DOK5: variants seen among roughly 807,000 people sequenced by gnomAD.
The protein encoded by DOK5 is downstream of tyrosine kinase 5.
In DOK5, 27 loss-of-function variants were observed where a neutral mutation model predicts 43.3. The observed-to-expected ratio is 0.62, with a 90% CI of 0.46 to 0.86. The LOEUF (loss-of-function observed/expected upper bound fraction) is 0.86. DOK5 is among the 40% of genes least tolerant of loss of function. The probability of loss-of-function intolerance (pLI) is 0.00; values close to 1 mark genes in which losing one functional copy is unlikely to be tolerated. For missense variants in DOK5, 373 were observed against 392.9 expected (o/e 0.95, Z 0.43); for synonymous variants, 146 against 140.1 (o/e 1.04, Z -0.30).
chr20:54,604,473 A>G (rs527955021), intron 5 of DOK5, among the ~76,000 whole-genome samples: 21 of 151,948 alleles, frequency 1.4e-4, no homozygotes, highest in African/African-American at 5.1e-4. Context: ...TCATGCAACC[A>G]TGATATTATT....
chr20:54,476,871 G>A (rs1981449673), intron 1 of DOK5, among the ~76,000 whole-genome samples: 1 of 152,104 alleles, frequency 6.6e-6, no homozygotes, highest in African/African-American at 2.4e-5. Flanking sequence ...CTCTCCTTGG[G>A]ACTGAATGAT....
At chr20:54,493,126 C>T (rs998853349) in intron 1 of DOK5, among the ~76,000 whole-genome samples, 35 of 151,872 alleles carry the variant, frequency 2.3e-4, no homozygotes, top group African/African-American at 7.5e-4. Context: ...CCCCCACTCC[C>T]CAAATCTGTT....
chr20:54,491,111 C>G (rs1982156113), intron 1 of DOK5, among the ~76,000 whole-genome samples: 1 of 152,176 alleles, frequency 6.6e-6, no homozygotes, highest in South Asian at 2.1e-4. Flanking sequence ...TGTCTCACTC[C>G]TTTTTAATTG....
chr20:54,625,929 CACG>C (rs1987116799), intron 6 of DOK5, among the ~76,000 whole-genome samples: 1 of 152,286 alleles, frequency 6.6e-6, no homozygotes, highest in Admixed American at 6.5e-5. Context: ...TCATGGTGGG[CACG>C]ACATCTATGA....
chr20:54,607,479 A>G (rs1321103990), intron 5 of DOK5, among the ~76,000 whole-genome samples: 1 of 151,666 alleles, frequency 6.6e-6, no homozygotes, highest in South Asian at 2.1e-4. Flanking sequence ...CATGTACATT[A>G]AAGAAGAATG....
At chr20:54,510,794 C>T (rs1349385154) in intron 1 of DOK5, among the ~76,000 whole-genome samples, 1 of 152,152 alleles carries the variant, frequency 6.6e-6, no homozygotes. Context: ...CTATTGGGAG[C>T]ACACCCCATC....
intron 1 of DOK5, among the ~76,000 whole-genome samples, chr20:54,534,758 A>C (rs533202010): frequency 1.3e-5 from 2 of 152,284 alleles, no homozygotes; most frequent in South Asian, 4.1e-4. Flanking sequence ...AACAACAAAA[A>C]CACCTTGCAG....
chr20:54,553,912 A>T (rs888656753), intron 1 of DOK5, among the ~76,000 whole-genome samples: 1 of 151,582 alleles, frequency 6.6e-6, no homozygotes, highest in African/African-American at 2.4e-5. Flanking sequence ...AAAAAAAAAA[A>T]AAAATTATAC....
intron 1 of DOK5, among the ~76,000 whole-genome samples, chr20:54,482,208 G>A (rs1323570436): frequency 6.6e-6 from 1 of 152,180 alleles, no homozygotes; most frequent in Admixed American, 6.5e-5. Context: ...ACTCCAATTC[G>A]AGTGAATTCA....
intron 1 of DOK5, among the ~76,000 whole-genome samples, chr20:54,520,694 A>C (rs2146695996): frequency 6.6e-6 from 1 of 152,238 alleles, no homozygotes; most frequent in African/African-American, 2.4e-5. Flanking sequence ...CTGAAGCAGG[A>C]GGACTTGCTT....
chr20:54,643,102 A>G (rs1424925116), intron 6 of DOK5, among the ~76,000 whole-genome samples: 1 of 152,206 alleles, frequency 6.6e-6, no homozygotes, highest in Non-Finnish European at 1.5e-5. Context: ...TTCCACAAAA[A>G]TGCTAACAAT....
intron 1 of DOK5, among the ~76,000 whole-genome samples, chr20:54,544,510 C>T (rs562145492): frequency 2.0e-5 from 3 of 152,344 alleles, no homozygotes; most frequent in East Asian, 3.9e-4. Flanking sequence ...CTTGTGACTG[C>T]TCAATGGGTT....
At chr20:54,509,346 G>T (rs1342720806) in intron 1 of DOK5, among the ~76,000 whole-genome samples, 2 of 152,036 alleles carry the variant, frequency 1.3e-5, no homozygotes, top group Non-Finnish European at 2.9e-5. Flanking sequence ...GTGCACCACT[G>T]CACCTGGTTA....
chr20:54,486,778 G>C (rs914546023), intron 1 of DOK5, among the ~76,000 whole-genome samples: 3 of 152,060 alleles, frequency 2.0e-5, no homozygotes, highest in Admixed American at 6.6e-5. Context: ...AATATACCAG[G>C]CTCTTAATCC....
At chr20:54,582,914 G>C (rs984718203) in intron 2 of DOK5, among the ~76,000 whole-genome samples, 17 of 151,228 alleles carry the variant, frequency 1.1e-4, no homozygotes, top group Non-Finnish European at 1.0e-4. Flanking sequence ...TTATTATTTT[G>C]GGCATAGTTT....
At chr20:54,622,597 T>G (rs1987017019) in intron 6 of DOK5, among the ~76,000 whole-genome samples, 1 of 152,214 alleles carries the variant, frequency 6.6e-6, no homozygotes, top group Non-Finnish European at 1.5e-5. Context: ...TGCTGACAGA[T>G]CGTGGCTTTG....
chr20:54,571,080 G>T (rs1288298246), intron 2 of DOK5, among the ~76,000 whole-genome samples: 1 of 152,168 alleles, frequency 6.6e-6, no homozygotes, highest in African/African-American at 2.4e-5. Context: ...ATGGCATAAA[G>T]ATTTATCTGT....
chr20:54,492,822 G>A (rs1318142892), intron 1 of DOK5, among the ~76,000 whole-genome samples: 3 of 151,700 alleles, frequency 2.0e-5, no homozygotes, highest in Admixed American at 2.0e-4. Context: ...GGGAGGCCAA[G>A]GGGGGTGGAT....
chr20:54,519,087 C>G (rs539693264), intron 1 of DOK5, among the ~76,000 whole-genome samples: 32 of 152,276 alleles, frequency 2.1e-4, no homozygotes, highest in African/African-American at 7.7e-4. Context: ...GAAATAGGAG[C>G]ACTTTTACAT....
Sources: gnomAD v4.1 joint callset for allele counts (sites outside exome capture counted in the v4.1 genomes callset) on GRCh38, gnomAD v4.1.1 for gene constraint, MANE v1.5 for transcripts, NCBI Gene and HGNC (gene_info 2026-07-23, HGNC 2026-07-21) for gene names.